LRRC3B: variants seen among roughly 807,000 people sequenced by gnomAD.
LRRC3B encodes leucine rich repeat containing 3B.
In LRRC3B, 2 loss-of-function variants were observed where a neutral mutation model predicts 12.8. That is an observed-to-expected ratio of 0.16 (90% CI 0.06 to 0.49). The LOEUF (loss-of-function observed/expected upper bound fraction) is 0.49, where lower values mean the gene tolerates loss of function less well. Among genes scored for constraint, LRRC3B ranks in the 20% least tolerant of loss-of-function variants. The probability of loss-of-function intolerance (pLI) is 0.96; values close to 1 mark genes in which losing one functional copy is unlikely to be tolerated. For missense variants in LRRC3B, 189 were observed against 319.4 expected (o/e 0.59, Z 3.11); for synonymous variants, 132 against 122.0 (o/e 1.08, Z -0.54).
At chr3:26,702,690 C>T (rs1700486389) in intron 1 of LRRC3B, among the ~76,000 whole-genome samples, 1 of 152,072 alleles carries the variant, frequency 6.6e-6, no homozygotes, top group South Asian at 2.1e-4. Flanking sequence ...GTTACTTTAA[C>T]TTGACATTAG....
intron 1 of LRRC3B, among the ~76,000 whole-genome samples, chr3:26,669,062 A>G (rs1284236863): frequency 6.6e-6 from 1 of 152,212 alleles, no homozygotes; most frequent in Non-Finnish European, 1.5e-5. Flanking sequence ...ACATGCAAAG[A>G]TGCTATTCAT....
intron 1 of LRRC3B, among the ~76,000 whole-genome samples, chr3:26,640,318 T>C (rs1343163982): frequency 6.6e-6 from 1 of 151,742 alleles, no homozygotes; most frequent in Non-Finnish European, 1.5e-5. Context: ...CTGCCCCAAG[T>C]CTGCAAATCA....
At chr3:26,639,428 C>G (rs1026200473) in intron 1 of LRRC3B, among the ~76,000 whole-genome samples, 2 of 151,244 alleles carry the variant, frequency 1.3e-5, no homozygotes, top group Non-Finnish European at 3.0e-5. Context: ...GTTCATATGT[C>G]TAAATTGTTT....
chr3:26,644,070 AG>A lies in LRRC3B; in HGVS notation c.-161+20834del, dbSNP rs751491219. 2.6e-5 allele frequency among the ~76,000 whole-genome samples: 4 copies of A among 152,368 alleles called. No homozygotes were observed. The East Asian group carries it at 7.7e-4, about 29-fold the overall frequency. On this transcript the variant is annotated intron_variant, in intron 1 of 1. Transcript: ENST00000396641. ...TTTGGTATTTACATATGCTTTGATAAGTATTAGAAAAATAAAACAAGCATAA... is the reference window on the plus strand; with the variant it reads ...TTTGGTATTTACATATGCTTTGATAATATTAGAAAAATAAAACAAGCATAA...
rs1404573947 is a variant in LRRC3B at position 26,636,970 on chromosome 3, CTTTCTCTCTCTCTCTT to C, written c.-161+13735_-161+13750del. ...TCTTTCTTTCTTTCTTTCTTTCTTTCTTTCTCTCTCTCTCTTTCTCTCTTTCTCTCTTTCTTTCTTT... is the reference window on the plus strand; with the variant it reads ...TCTTTCTTTCTTTCTTTCTTTCTTTCTCTCTCTTTCTCTCTTTCTTTCTTT... On this transcript the variant is annotated intron_variant, in intron 1 of 1. Transcript: ENST00000396641. 1.7e-4 allele frequency among the ~76,000 whole-genome samples: 20 copies of C among 115,796 alleles called. No individual in the cohort carries two copies. In the South Asian group the frequency reaches 5.2e-3, roughly 30 times the overall value. The allele number at this position is 115,796 out of a possible 152,430, so 76.0% of individuals were successfully genotyped here.
chr3:26,668,096 T>TA (rs1699645666), intron 1 of LRRC3B, among the ~76,000 whole-genome samples: 1 of 152,198 alleles, frequency 6.6e-6, no homozygotes, highest in Middle Eastern at 3.4e-3. Flanking sequence ...GATATTATTA[T>TA]AAAAAAAGTA....
At chr3:26,641,176 T>C (rs1699023698) in intron 1 of LRRC3B, among the ~76,000 whole-genome samples, 1 of 152,076 alleles carries the variant, frequency 6.6e-6, no homozygotes, top group Non-Finnish European at 1.5e-5. Flanking sequence ...AAATCGGGAC[T>C]GGTGTGAAGA....
intron 1 of LRRC3B, among the ~76,000 whole-genome samples, chr3:26,634,835 T>C (rs1185284485): frequency 6.6e-6 from 1 of 152,198 alleles, no homozygotes; most frequent in Non-Finnish European, 1.5e-5. Context: ...TGCTGAGAGT[T>C]GGATATGTAC....
At chr3:26,672,741 T>TTCA (rs1418853127) in intron 1 of LRRC3B, among the ~76,000 whole-genome samples, 4 of 152,244 alleles carry the variant, frequency 2.6e-5, no homozygotes, top group African/African-American at 9.6e-5. Context: ...TTCAGTATAT[T>TTCA]TCATCTTTTC....
At chr3:26,660,517 A>G (rs1253677106) in intron 1 of LRRC3B, among the ~76,000 whole-genome samples, 1 of 152,214 alleles carries the variant, frequency 6.6e-6, no homozygotes, top group Non-Finnish European at 1.5e-5. Context: ...GAGAACCATC[A>G]AACATCATCA....
At chr3:26,662,056 T>C (rs1325852788) in intron 1 of LRRC3B, among the ~76,000 whole-genome samples, 1 of 152,170 alleles carries the variant, frequency 6.6e-6, no homozygotes, top group Non-Finnish European at 1.5e-5. Flanking sequence ...CCCCAGCATT[T>C]ACTTCTCTGT....
intron 1 of LRRC3B, among the ~76,000 whole-genome samples, chr3:26,636,500 G>A (rs1226227216): frequency 6.6e-6 from 1 of 152,178 alleles, no homozygotes; most frequent in Non-Finnish European, 1.5e-5. Flanking sequence ...CAGAATGTGT[G>A]GGTGTGGGAT....
At position 26,632,017 on chromosome 3, in the gene LRRC3B, G is replaced by T. The variant is rs183437657; in HGVS notation, c.-161+8780G>T. On this transcript the variant is annotated intron_variant, in intron 1 of 1. Transcript: ENST00000396641. ...GGGCTTCCAGCCCTTATATGTTACA[G>T]ATCCAACAATGATAGATGGACACTC... is the stretch of plus-strand genomic sequence containing the variant. Among the ~76,000 whole-genome samples the T allele has an allele frequency of 7.2e-5, 11 of 152,328 alleles. No individual in the cohort carries two copies. In the East Asian group the frequency reaches 2.1e-3, roughly 29 times the overall value.
chr3:26,648,780 T>C (rs781227670), intron 1 of LRRC3B, among the ~76,000 whole-genome samples: 1 of 152,220 alleles, frequency 6.6e-6, no homozygotes, highest in Non-Finnish European at 1.5e-5. Flanking sequence ...AATGTTTAAT[T>C]TGAGTGCTTT....
At chr3:26,629,548 C>T (rs962446708) in intron 1 of LRRC3B, among the ~76,000 whole-genome samples, 3 of 152,200 alleles carry the variant, frequency 2.0e-5, no homozygotes, top group Non-Finnish European at 2.9e-5. Flanking sequence ...TTTCCCTATG[C>T]TGCACTGGGA....
intron 1 of LRRC3B, among the ~76,000 whole-genome samples, chr3:26,639,437 T>C (rs1461292895): frequency 6.8e-6 from 1 of 146,444 alleles, no homozygotes; most frequent in Non-Finnish European, 1.5e-5. Context: ...TCTAAATTGT[T>C]TCAAACATAC....
intron 1 of LRRC3B, among the ~76,000 whole-genome samples, chr3:26,673,810 A>C (rs1262704847): frequency 6.6e-6 from 1 of 152,090 alleles, no homozygotes; most frequent in African/African-American, 2.4e-5. Context: ...GCTCTAGGAG[A>C]GTTTTCTTAA....
At chr3:26,629,648 C>T (rs1447589710) in intron 1 of LRRC3B, among the ~76,000 whole-genome samples, 1 of 152,124 alleles carries the variant, frequency 6.6e-6, no homozygotes, top group Non-Finnish European at 1.5e-5. Context: ...TACTTTTCAC[C>T]CTTTCCACAA....
chr3:26,663,230 A>G (rs915227860), intron 1 of LRRC3B, among the ~76,000 whole-genome samples: 8 of 151,986 alleles, frequency 5.3e-5, no homozygotes, highest in Non-Finnish European at 2.9e-5. Flanking sequence ...AGAGTTAGGT[A>G]TTGTGTTTGC....
Sources: gnomAD v4.1 joint callset for allele counts (sites outside exome capture counted in the v4.1 genomes callset) on GRCh38, gnomAD v4.1.1 for gene constraint, MANE v1.5 for transcripts, NCBI Gene and HGNC (gene_info 2026-07-23, HGNC 2026-07-21) for gene names.